Variants in PARN observed in about 807,000 individuals in gnomAD.
PARN encodes poly(A)-specific ribonuclease PARN.
In PARN, 71 loss-of-function variants were observed where a neutral mutation model predicts 102.8. That is an observed-to-expected ratio of 0.69 (90% confidence interval 0.57 to 0.84). The LOEUF (loss-of-function observed/expected upper bound fraction) is 0.84. PARN is among the 40% of genes least tolerant of loss of function. The pLI is 0.00. For missense variants in PARN, 782 were observed against 760.9 expected, an observed-to-expected ratio of 1.03 and a Z score of -0.33; for synonymous variants, 261 against 252.9, an observed-to-expected ratio of 1.03 and a Z score of -0.30.
chr16:14,615,292 T>C (rs2151804353), intron 6 of PARN, among the ~76,000 whole-genome samples: 1 of 151,614 alleles, frequency 6.6e-6, no homozygotes, highest in Non-Finnish European at 1.5e-5. Flanking sequence ...GCTGTTTCTC[T>C]TCTTTTATGG....
At chr16:14,590,148 G>A (rs1406162625) in intron 13 of PARN, among the ~76,000 whole-genome samples, 3 of 148,766 alleles carry the variant, frequency 2.0e-5, no homozygotes, top group Non-Finnish European at 4.5e-5. Flanking sequence ...CTACTCGGGG[G>A]GCTGAGTCAA....
intron 6 of PARN, among the ~76,000 whole-genome samples, chr16:14,615,756 G>T (rs1474693152): frequency 1.3e-5 from 2 of 151,934 alleles, no homozygotes; most frequent in African/African-American, 4.8e-5. Context: ...CAAAAATTAG[G>T]TGTGCGTGGT....
chr16:14,462,854 G>T (rs1363297397), intron 22 of PARN, among the ~76,000 whole-genome samples: 1 of 152,168 alleles, frequency 6.6e-6, no homozygotes, highest in African/African-American at 2.4e-5. Flanking sequence ...CAAAATACAT[G>T]AAACAATGGT....
chr16:14,597,669 C>T (rs1030246015), intron 12 of PARN, among the ~76,000 whole-genome samples: 4 of 150,384 alleles, frequency 2.7e-5, no homozygotes, highest in East Asian at 2.0e-4. Flanking sequence ...CGCGCTCCAG[C>T]GTGGGCGACA....
In PARN at chr16:14,482,794, C is replaced by T. The variant is rs760452316; in HGVS notation, c.1514G>A (p.Arg505Gln). The T allele has an allele frequency of 6.3e-5, 101 of 1,611,558 alleles. No individual in the cohort carries two copies. The highest frequency in any genetic ancestry group is 1.6e-4 in the Middle Eastern group (1 of 6,072). The change falls in exon 22 of 24, where the codon CGG (arginine) becomes CAG (glutamine). Residue 505 changes from arginine (R) to glutamine (Q), a missense_variant. Physicochemically the swap from Arg to Gln is conservative, Grantham distance 43 (BLOSUM62 1). Coordinates refer to ENST00000437198, the MANE Select transcript of PARN (RefSeq NM_002582.4). ...CATATATTCAGCATAGGTTTGGATC[C>T]GATAGCTTTCTGCATATTTGCTGGT... The part of the protein sequence containing the change: ...VNTSKYAESY[R>Q]IQTYAEYMGR...
chr16:14,549,524 C>T (rs1288733362), intron 21 of PARN, among the ~76,000 whole-genome samples: 5 of 152,160 alleles, frequency 3.3e-5, no homozygotes, highest in African/African-American at 1.2e-4. Context: ...GAATAAAATA[C>T]TTAGCTTAAA....
At chr16:14,572,636 A>G (rs1490450645) in intron 18 of PARN, among the ~76,000 whole-genome samples, 1 of 152,188 alleles carries the variant, frequency 6.6e-6, no homozygotes, top group Admixed American at 6.5e-5. Context: ...AAACTTTAAA[A>G]AATGCTCCAA....
chr16:14,575,990 G>C (rs569758349), intron 18 of PARN: 1 of 153,768 alleles, frequency 6.5e-6, no homozygotes, highest in African/African-American at 2.4e-5. Flanking sequence ...CTTCTCATCT[G>C]CTGCCATGTG....
chr16:14,552,212 T>C, intron 20 of PARN, 117 bp from the exon 21 acceptor site: 2 of 663,126 alleles, frequency 3.0e-6, no homozygotes, highest in South Asian at 4.2e-5. Flanking sequence ...AGAAGGTGCT[T>C]ATTTAAAATG....
intron 22 of PARN, among the ~76,000 whole-genome samples, chr16:14,481,104 T>C (rs1167473323): frequency 6.6e-6 from 1 of 152,200 alleles, no homozygotes; most frequent in Non-Finnish European, 1.5e-5. Context: ...TTTGTTCTTA[T>C]AAAGTTTAAC....
intron 21 of PARN, among the ~76,000 whole-genome samples, chr16:14,543,385 G>A (rs935559816): frequency 6.6e-6 from 1 of 152,152 alleles, no homozygotes; most frequent in Non-Finnish European, 1.5e-5. Context: ...CATGAATGAG[G>A]AACACTGAAA....
intron 23 of PARN, among the ~76,000 whole-genome samples, chr16:14,442,650 C>G (rs1413283150): frequency 7.0e-6 from 1 of 142,232 alleles, no homozygotes; most frequent in Non-Finnish European, 1.5e-5. Flanking sequence ...TGGAGTCTTG[C>G]TCTGTCACCC....
At chr16:14,593,491 TTAA>T (rs1160553667) in intron 12 of PARN, 113 bp from the exon 13 acceptor site, 18 of 27,628 alleles carry the variant, frequency 6.5e-4, no homozygotes, top group Middle Eastern at 0.019. Context: ...CTTTCCAGAC[TTAA>T]AAAAAAAAAA....
intron 21 of PARN, among the ~76,000 whole-genome samples, chr16:14,544,313 A>T (rs1966861572): frequency 6.6e-6 from 1 of 152,234 alleles, no homozygotes; most frequent in African/African-American, 2.4e-5. Context: ...GGCGGCTCAC[A>T]TCTGTAATCT....
chr16:14,445,841 G>C (rs1318954440), intron 23 of PARN, among the ~76,000 whole-genome samples: 1 of 152,204 alleles, frequency 6.6e-6, no homozygotes, highest in African/African-American at 2.4e-5. Context: ...TCGGATTACA[G>C]GCGTGAGCCA....
chr16:14,560,741 T>C (rs1968003934), intron 18 of PARN, among the ~76,000 whole-genome samples: 1 of 152,210 alleles, frequency 6.6e-6, no homozygotes, highest in South Asian at 2.1e-4. Flanking sequence ...CTCAGTCTCT[T>C]CACAGGCTAC....
chr16:14,462,650 G>GGGA, intron 22 of PARN, among the ~76,000 whole-genome samples: 1 of 150,736 alleles, frequency 6.6e-6, no homozygotes, highest in Non-Finnish European at 1.5e-5. Context: ...GAGACAGAGA[G>GGGA]AGAAGAAGAA....
intron 21 of PARN, among the ~76,000 whole-genome samples, chr16:14,489,437 C>CAAAAAAAAAAAAAAAAAA (rs770783306): frequency 3.4e-5 from 2 of 59,472 alleles, no homozygotes; most frequent in Non-Finnish European, 3.5e-5. Context: ...GAGAGAGACT[C>CAAAAAAAAAAAAAAAAAA]AAAAAAAAAA....
chr16:14,584,717 A>G, intron 15 of PARN, 32 bp downstream of exon 15: 2 of 1,485,128 alleles, frequency 1.3e-6, no homozygotes, highest in Non-Finnish European at 1.8e-6. Context: ...AGTAATATGC[A>G]GTCGCTTTAT....
Sources: allele counts gnomAD v4.1 joint callset (sites outside exome capture counted in the v4.1 genomes callset), GRCh38; gene constraint gnomAD v4.1.1; transcripts MANE v1.5; gene names NCBI Gene and HGNC (gene_info 2026-07-23, HGNC 2026-07-21).